Variants in CDH23 observed in about 807,000 individuals in gnomAD.
CDH23 encodes the protein cadherin-23.
A neutral mutation model predicts 317.1 loss-of-function variants in CDH23; 189 were observed. That is an observed-to-expected ratio of 0.60 (90% confidence interval 0.53 to 0.67). The LOEUF is 0.67. CDH23 is among the 30% of genes least tolerant of loss of function. CDH23 has a pLI of 0.00. For synonymous variants in CDH23, 1,839 were observed against 1,876.8 expected, an observed-to-expected ratio of 0.98 and a Z score of 0.52; for missense variants, 4,401 against 4,592.4, an observed-to-expected ratio of 0.96 and a Z score of 1.20.
At chr10:71,553,191 G>C (rs1177653979) in intron 6 of CDH23, among the ~76,000 whole-genome samples, 2 of 152,122 alleles carry the variant, frequency 1.3e-5, no homozygotes, top group Non-Finnish European at 2.9e-5. Flanking sequence ...ATTGGAATAG[G>C]ATCATTCGGT....
At chr10:71,593,015 A>G (rs1648081122) in intron 9 of CDH23, among the ~76,000 whole-genome samples, 1 of 152,218 alleles carries the variant, frequency 6.6e-6, no homozygotes, top group African/African-American at 2.4e-5. Context: ...TGTCCACCAC[A>G]AGCCGTGGGA....
Position 71,800,726 on chromosome 10 carries a change from G to A in CDH23, c.7453G>A (p.Ala2485Thr). ...GGCCAAAGACAACCCTGGGGATGTA[G>A]CCAGCAACCGTCGCGAAAATTCAGT... is the stretch of plus-strand genomic sequence containing the variant. ...ALAKDNPGDV[A>T]SNRRENSVQV... The change falls in exon 53 of 70, where the codon GCC becomes ACC. Residue 2485 changes from alanine to threonine, a missense_variant. Physicochemically the swap from Ala to Thr is moderately conservative, Grantham distance 58. Coordinates refer to ENST00000224721, the MANE Select transcript of CDH23 (RefSeq NM_022124.6). 2 of 1,613,972 alleles carry A rather than the reference G, an allele frequency of 1.2e-6. No homozygotes were observed. Among genetic ancestry groups the A allele is most frequent in the Non-Finnish European group, 8.5e-7 (1 of 1,179,886 alleles).
At chr10:71,628,352 G>A (rs1355464668) in intron 11 of CDH23, among the ~76,000 whole-genome samples, 2 of 152,224 alleles carry the variant, frequency 1.3e-5, no homozygotes, top group Non-Finnish European at 2.9e-5. Flanking sequence ...AGGGCAGAGG[G>A]AGAGGCAAGG....
At chr10:71,461,607 T>C (rs1850988813) in intron 3 of CDH23, among the ~76,000 whole-genome samples, 1 of 152,206 alleles carries the variant, frequency 6.6e-6, no homozygotes, top group Admixed American at 6.5e-5. Context: ...GTCTCCTCCA[T>C]GCTTGTACAT....
chr10:71,691,263 C>T (rs1194926795), intron 20 of CDH23, among the ~76,000 whole-genome samples: 1 of 152,238 alleles, frequency 6.6e-6, no homozygotes, highest in East Asian at 1.9e-4. Context: ...GAGATCCAGG[C>T]TTTCAGCCAG....
At chr10:71,770,093 G>A (rs969609732) in intron 38 of CDH23, among the ~76,000 whole-genome samples, 14 of 152,218 alleles carry the variant, frequency 9.2e-5, no homozygotes, top group African/African-American at 3.4e-4. Context: ...TAGTCCCAGT[G>A]AAGCTCACCA....
rs2132947899 is a variant in CDH23 at position 71,790,286 on chromosome 10, A to C, written c.5924-2A>C. 6.2e-7 allele frequency: 1 copy of C among 1,613,648 alleles called. No individual in the cohort carries two copies. Among genetic ancestry groups the C allele is most frequent in the Non-Finnish European group, 8.5e-7 (1 of 1,179,770 alleles). On this transcript the variant is annotated splice_acceptor_variant, in intron 45 of 69. Coordinates refer to ENST00000224721, the MANE Select transcript of CDH23 (RefSeq NM_022124.6). LOFTEE classifies it high-confidence loss of function. ...GTGGTGACCCCTCTCCTTCTGGCCC[A>C]GGCACCCCTCTCACGGTGCTCAATG...
chr10:71,535,547 TG>T (rs1855653596), intron 6 of CDH23, among the ~76,000 whole-genome samples: 1 of 152,150 alleles, frequency 6.6e-6, no homozygotes, highest in African/African-American at 2.4e-5. Context: ...TCTGAAGAAG[TG>T]GGAAGAAAGC....
chr10:71,760,740 AAAG>A (rs745855458), intron 38 of CDH23: 48 of 821,282 alleles, frequency 5.8e-5, no homozygotes, highest in Non-Finnish European at 9.2e-5. Flanking sequence ...CAGCAGCAGA[AAAG>A]GAGGAGGACC....
intron 3 of CDH23, among the ~76,000 whole-genome samples, chr10:71,478,917 A>G (rs1195266968): frequency 6.6e-6 from 1 of 152,232 alleles, no homozygotes; most frequent in African/African-American, 2.4e-5. Context: ...AAGCCTGAGC[A>G]GGCATGGTTT....
chr10:71,550,571 A>G (rs988524097), intron 6 of CDH23, among the ~76,000 whole-genome samples: 2 of 113,474 alleles, frequency 1.8e-5, no homozygotes, highest in African/African-American at 3.2e-5. Flanking sequence ...AAAAAAAAAA[A>G]AAAAAAGAAA....
Position 71,783,789 on chromosome 10 carries a change from G to A in CDH23, c.5369-498G>A, listed in dbSNP as rs190772657. 7.0e-4 allele frequency among the ~76,000 whole-genome samples: 107 copies of A among 152,332 alleles called. 1 individual carries two copies. Among genetic ancestry groups the A allele is most frequent in the Admixed American group, 3.5e-3 (53 of 15,302 alleles). On this transcript the variant is annotated intron_variant, in intron 41 of 69. Transcript: ENST00000224721. ...CTCATCCGTCCCCTTCTGCCTGCCC[G>A]GTGCCTGCGCATTCACCATTAGCAA...
At chr10:71,583,990 T>C (rs1307539296) in intron 9 of CDH23, among the ~76,000 whole-genome samples, 1 of 151,716 alleles carries the variant, frequency 6.6e-6, no homozygotes, top group Admixed American at 6.6e-5. Context: ...TGGGAATTAT[T>C]AGAAATGCAA....
chr10:71,732,532 T>C (rs952174520), intron 32 of CDH23, 157 bp downstream of exon 32: 2 of 1,336,138 alleles, frequency 1.5e-6, no homozygotes, highest in African/African-American at 2.9e-5. Context: ...CTTGAGAGGC[T>C]GGGGCAGGAA....
chr10:71,414,841 T>A (rs2131930804), intron 1 of CDH23, among the ~76,000 whole-genome samples: 1 of 152,354 alleles, frequency 6.6e-6, no homozygotes, highest in African/African-American at 2.4e-5. Context: ...GATTTCTTAG[T>A]AGGAAAGTTA....
At position 71,741,831 on chromosome 10, in the gene CDH23, C is replaced by T. The variant is rs1554865045; in HGVS notation, c.4755C>T (p.Ile1585=). Residue 1585 remains isoleucine (I), a synonymous_variant, in exon 38 of 70, where the codon ATC becomes ATT. Coordinates refer to ENST00000224721, the MANE Select transcript of CDH23 (RefSeq NM_022124.6). ...GCATGGACCGCATCAGCGGTGAGAT[C>T]GCCACACGGCCTGCCCCGCCTGACC... is the stretch of plus-strand genomic sequence containing the variant. The part of the protein sequence containing the change: ...AFRMDRISGE[I]ATRPAPPDRE... The T allele has an allele frequency of 6.2e-6, 10 of 1,611,382 alleles. No homozygotes were observed. In the Admixed American group the frequency reaches 6.7e-5, roughly 11 times the overall value.
chr10:71,593,608 A>G (rs1859644590), intron 9 of CDH23, among the ~76,000 whole-genome samples: 1 of 152,228 alleles, frequency 6.6e-6, no homozygotes, highest in Non-Finnish European at 1.5e-5. Flanking sequence ...GATCGAGAGG[A>G]AAAAGTTGGA....
intron 11 of CDH23, among the ~76,000 whole-genome samples, chr10:71,624,300 C>T (rs1462811883): frequency 6.6e-6 from 1 of 152,246 alleles, no homozygotes; most frequent in African/African-American, 2.4e-5. Context: ...CTGCAGCATC[C>T]CTTTTCAGGG....
At chr10:71,482,696 A>G (rs1852132400) in intron 3 of CDH23, among the ~76,000 whole-genome samples, 1 of 152,124 alleles carries the variant, frequency 6.6e-6, no homozygotes, top group Admixed American at 6.5e-5. Flanking sequence ...CTCCAAAAAG[A>G]CCTGGGGGCA....
Sources: gnomAD v4.1 joint callset for allele counts (sites outside exome capture counted in the v4.1 genomes callset) on GRCh38, gnomAD v4.1.1 for gene constraint, MANE v1.5 for transcripts, NCBI Gene and HGNC (gene_info 2026-07-23, HGNC 2026-07-21) for gene names.